The following TSHZ2 variants were observed in gnomAD, a reference collection of about 807,000 sequenced individuals.
TSHZ2 encodes the protein teashirt homolog 2.
A neutral mutation model predicts 74.4 loss-of-function variants in TSHZ2; 21 were observed. That is an observed-to-expected ratio of 0.28 (90% CI 0.20 to 0.41). The LOEUF (loss-of-function observed/expected upper bound fraction) is 0.41, where lower values mean the gene tolerates loss of function less well. Among genes scored for constraint, TSHZ2 ranks in the 10% least tolerant of loss-of-function variants. The probability of loss-of-function intolerance (pLI) is 1.00; values close to 1 mark genes in which losing one functional copy is unlikely to be tolerated. For missense variants in TSHZ2, 1,244 were observed against 1,293.5 expected (o/e 0.96, Z 0.59); for synonymous variants, 540 against 515.3 (o/e 1.05, Z -0.65).
intron 1 of TSHZ2, among the ~76,000 whole-genome samples, chr20:53,056,685 G>T (rs1984651137): frequency 6.6e-6 from 1 of 152,138 alleles, no homozygotes. Context: ...TTACCATCCT[G>T]TGTTCTTGTC....
At chr20:53,173,248 A>G (rs1456747208) in intron 1 of TSHZ2, among the ~76,000 whole-genome samples, 1 of 152,260 alleles carries the variant, frequency 6.6e-6, no homozygotes, top group Non-Finnish European at 1.5e-5. Context: ...TTGTCCATCC[A>G]TAAAGGATTG....
intron 1 of TSHZ2, among the ~76,000 whole-genome samples, chr20:53,215,514 G>C (rs938230713): frequency 1.3e-5 from 2 of 150,214 alleles, no homozygotes; most frequent in African/African-American, 2.5e-5. Context: ...CATCATGGAG[G>C]CATCCTAGAT....
At chr20:53,153,112 CA>C (rs1341225155) in intron 1 of TSHZ2, among the ~76,000 whole-genome samples, 6 of 152,218 alleles carry the variant, frequency 3.9e-5, no homozygotes. Flanking sequence ...ACAATCAGGA[CA>C]TCCTATGCAG....
Position 53,034,583 on chromosome 20 carries a change from C to T in TSHZ2, c.40+61250C>T, listed in dbSNP as rs78092286. Among the ~76,000 whole-genome samples, 537 of 152,178 alleles carry T rather than the reference C, an allele frequency of 3.5e-3. 4 individuals are homozygous for T. Among genetic ancestry groups the T allele is most frequent in the Middle Eastern group, 0.014 (4 of 294 alleles). On this transcript the variant is annotated intron_variant, in intron 1 of 2. Coordinates refer to ENST00000371497, the MANE Select transcript of TSHZ2 (RefSeq NM_173485.6). ...AAAATAGAATAATGTGTTTGTGAGT[C>T]GGAAGTTATTTTACAGGAGGTAATC...
At chr20:53,433,192 C>A (rs1020368708) in intron 2 of TSHZ2, among the ~76,000 whole-genome samples, 1 of 152,176 alleles carries the variant, frequency 6.6e-6, no homozygotes, top group African/African-American at 2.4e-5. Context: ...ACTGGGCACA[C>A]TGTCACAGAA....
chr20:53,253,545 A>AGAGGAG lies in TSHZ2; in HGVS notation c.99_104dup (p.Glu33_Glu34dup). 6.2e-7 allele frequency: 1 copy of AGAGGAG among 1,613,106 alleles called. No individual in the cohort carries two copies. ...TGAAAGAAGAGGAGGAAATAAAAGAAGAGGAGGAGGAGGAGGACAGCGGTT... is the reference window on the plus strand; with the variant it reads ...TGAAAGAAGAGGAGGAAATAAAAGAAGAGGAGGAGGAGGAGGAGGAGGACAGCGGTT... On this transcript the variant is annotated inframe_insertion, in exon 2 of 3. Coordinates refer to ENST00000371497, the MANE Select transcript of TSHZ2 (RefSeq NM_173485.6).
chr20:53,126,351 G>A (rs1986947033), intron 1 of TSHZ2, among the ~76,000 whole-genome samples: 1 of 152,206 alleles, frequency 6.6e-6, no homozygotes, highest in African/African-American at 2.4e-5. Flanking sequence ...CCTACATGGG[G>A]AAAGATTGTC....
intron 2 of TSHZ2, among the ~76,000 whole-genome samples, chr20:53,327,128 C>T (rs1216746192): frequency 6.6e-6 from 1 of 152,210 alleles, no homozygotes; most frequent in African/African-American, 2.4e-5. Context: ...ACCAAGTACA[C>T]AGCCCCTGAT....
rs1446557106 is a variant in TSHZ2, at chr20:52,974,144, G to T, written c.40+811G>T. On this transcript the variant is annotated intron_variant, in intron 1 of 2. Coordinates refer to ENST00000371497, the MANE Select transcript of TSHZ2 (RefSeq NM_173485.6). ...CCTTCTAAAGTTTTTTTTTCTTTTGGGTTGCTTAATTGCTTTTTTAATAGT... is the reference window on the plus strand; with the variant it reads ...CCTTCTAAAGTTTTTTTTTCTTTTGTGTTGCTTAATTGCTTTTTTAATAGT... Among the ~76,000 whole-genome samples the T allele has an allele frequency of 2.6e-5, 4 of 151,880 alleles. 1 individual carries two copies. In the South Asian group the frequency reaches 8.3e-4, roughly 32 times the overall value.
At chr20:53,005,869 T>G (rs1377859515) in intron 1 of TSHZ2, among the ~76,000 whole-genome samples, 2 of 152,182 alleles carry the variant, frequency 1.3e-5, no homozygotes, top group Non-Finnish European at 2.9e-5. Flanking sequence ...GCCCATTGGG[T>G]TAATAGCATT....
chr20:53,064,960 AT>A (rs1984933774), intron 1 of TSHZ2, among the ~76,000 whole-genome samples: 2 of 152,200 alleles, frequency 1.3e-5, no homozygotes, highest in South Asian at 2.1e-4. Context: ...ATACATGTTA[AT>A]AGACCTATTT....
At chr20:53,050,103 GTATATA>G (rs71897861) in intron 1 of TSHZ2, among the ~76,000 whole-genome samples, 168 of 116,020 alleles carry the variant, frequency 1.4e-3, no homozygotes, top group South Asian at 2.4e-3. Context: ...GTATATGTGT[GTATATA>G]TATATATATA....
chr20:53,140,732 C>T (rs953568231), intron 1 of TSHZ2, among the ~76,000 whole-genome samples: 23 of 152,106 alleles, frequency 1.5e-4, no homozygotes, highest in African/African-American at 5.3e-4. Flanking sequence ...TGCACGTTTC[C>T]AGTCTTACCA....
At chr20:53,461,875 G>C (rs1396725537) in intron 2 of TSHZ2, among the ~76,000 whole-genome samples, 1 of 151,896 alleles carries the variant, frequency 6.6e-6, no homozygotes, top group Non-Finnish European at 1.5e-5. Flanking sequence ...AACTCTTTTT[G>C]AAACATCTAG....
At chr20:53,305,994 C>T (rs2145490726) in intron 2 of TSHZ2, among the ~76,000 whole-genome samples, 1 of 147,036 alleles carries the variant, frequency 6.8e-6, no homozygotes, top group South Asian at 2.2e-4. Flanking sequence ...AAAAAAAATA[C>T]GTTTGGCTGC....
chr20:53,428,229 C>T (rs1343001651), intron 2 of TSHZ2, among the ~76,000 whole-genome samples: 2 of 152,098 alleles, frequency 1.3e-5, no homozygotes, highest in African/African-American at 4.8e-5. Context: ...GAATTTGCTC[C>T]GCAGCTCTTT....
chr20:53,393,817 A>C (rs1379086209), intron 2 of TSHZ2, among the ~76,000 whole-genome samples: 1 of 152,240 alleles, frequency 6.6e-6, no homozygotes, highest in Non-Finnish European at 1.5e-5. Context: ...GGGAGGTTAC[A>C]TAGGACTCTA....
At chr20:53,126,801 G>A (rs1285826991) in intron 1 of TSHZ2, among the ~76,000 whole-genome samples, 1 of 150,810 alleles carries the variant, frequency 6.6e-6, no homozygotes, top group African/African-American at 2.4e-5. Flanking sequence ...CAAGCACCCC[G>A]AGGATCTGAA....
chr20:53,386,315 ACTT>A (rs773914422), intron 2 of TSHZ2, among the ~76,000 whole-genome samples: 10 of 152,318 alleles, frequency 6.6e-5, no homozygotes, highest in South Asian at 2.1e-4. Flanking sequence ...TGTTCTTTCC[ACTT>A]CTTCTACTCA....
Sources: gnomAD v4.1 joint callset for allele counts (sites outside exome capture counted in the v4.1 genomes callset) on GRCh38, gnomAD v4.1.1 for gene constraint, MANE v1.5 for transcripts, NCBI Gene and HGNC (gene_info 2026-07-23, HGNC 2026-07-21) for gene names.